Variants in LRRC4C observed in about 807,000 individuals in gnomAD.
LRRC4C encodes leucine-rich repeat-containing protein 4C.
A neutral mutation model predicts 33.6 loss-of-function variants in LRRC4C; 5 were observed. The ratio of observed to expected loss-of-function variants is 0.15; its 90% CI spans 0.08 to 0.31. The LOEUF is 0.31. Ranked by LOEUF, LRRC4C falls within the 10% of genes least tolerant of loss-of-function variation. LRRC4C has a pLI of 1.00. For missense variants in LRRC4C, 560 were observed against 796.7 expected (o/e 0.70, Z 3.58); for synonymous variants, 329 against 302.0 (o/e 1.09, Z -0.93).
At chr11:40,483,377 G>T (rs2138426614) in intron 3 of LRRC4C, among the ~76,000 whole-genome samples, 1 of 152,248 alleles carries the variant, frequency 6.6e-6, no homozygotes, top group African/African-American at 2.4e-5. Context: ...TCATGTTTGG[G>T]ATCATGGTGT....
intron 1 of LRRC4C, among the ~76,000 whole-genome samples, chr11:41,080,271 A>T (rs1939466705): frequency 6.6e-6 from 1 of 151,942 alleles, no homozygotes; most frequent in East Asian, 1.9e-4. Flanking sequence ...TAGTGTTTGC[A>T]CTAATTACAA....
intron 3 of LRRC4C, among the ~76,000 whole-genome samples, chr11:40,323,278 T>C (rs968463493): frequency 3.9e-5 from 6 of 152,266 alleles, no homozygotes; most frequent in African/African-American, 7.2e-5. Flanking sequence ...ATTTGGACTC[T>C]GCTGTTAGAA....
intron 5 of LRRC4C, among the ~76,000 whole-genome samples, chr11:40,184,776 T>A (rs1450513749): frequency 6.6e-6 from 1 of 152,290 alleles, no homozygotes; most frequent in East Asian, 1.9e-4. Context: ...AGGGAGGGAA[T>A]GCAATCTCAC....
At chr11:40,180,966 A>G (rs1860946398) in intron 5 of LRRC4C, among the ~76,000 whole-genome samples, 1 of 152,224 alleles carries the variant, frequency 6.6e-6, no homozygotes. Context: ...AACAGCATAG[A>G]AAGTCCAGTG....
At chr11:40,419,379 A>T (rs543121394) in intron 3 of LRRC4C, among the ~76,000 whole-genome samples, 12 of 152,322 alleles carry the variant, frequency 7.9e-5, no homozygotes, top group African/African-American at 2.9e-4. Context: ...TGAAATCTAA[A>T]TATAAAAAAT....
intron 4 of LRRC4C, among the ~76,000 whole-genome samples, chr11:40,298,267 G>A (rs1449334036): frequency 6.6e-6 from 1 of 151,934 alleles, no homozygotes; most frequent in Non-Finnish European, 1.5e-5. Flanking sequence ...TAAACCATTT[G>A]AAATCTTAAT....
chr11:41,116,617 A>C (rs1376107511), intron 1 of LRRC4C, among the ~76,000 whole-genome samples: 1 of 152,162 alleles, frequency 6.6e-6, no homozygotes, highest in Non-Finnish European at 1.5e-5. Context: ...GAGAAAGAGT[A>C]AAATGGGAAG....
intron 2 of LRRC4C, among the ~76,000 whole-genome samples, chr11:40,772,413 T>G (rs1435721820): frequency 1.3e-5 from 2 of 152,126 alleles, no homozygotes; most frequent in African/African-American, 4.8e-5. Context: ...GAGATTTGGG[T>G]GGTGACACAG....
At chr11:41,147,686 C>T (rs1043456749) in intron 1 of LRRC4C, among the ~76,000 whole-genome samples, 4 of 152,174 alleles carry the variant, frequency 2.6e-5, no homozygotes, top group Non-Finnish European at 5.9e-5. Context: ...ACCTAAACAT[C>T]ATGGCTTTGT....
intron 1 of LRRC4C, among the ~76,000 whole-genome samples, chr11:41,160,610 G>T (rs1373711850): frequency 6.6e-6 from 1 of 151,948 alleles, no homozygotes; most frequent in African/African-American, 2.4e-5. Flanking sequence ...TATATGAATT[G>T]GCATGCATGT....
intron 1 of LRRC4C, among the ~76,000 whole-genome samples, chr11:41,367,696 C>T (rs1017958545): frequency 4.6e-5 from 7 of 152,014 alleles, no homozygotes; most frequent in African/African-American, 1.4e-4. Flanking sequence ...TTTAGACACT[C>T]GGTATGGGCT....
At chr11:40,743,380 T>C (rs935953611) in intron 2 of LRRC4C, among the ~76,000 whole-genome samples, 2 of 152,048 alleles carry the variant, frequency 1.3e-5, no homozygotes, top group Non-Finnish European at 2.9e-5. Flanking sequence ...ACAAATGTAT[T>C]ATGGGACAGT....
At chr11:41,381,770 T>C (rs1953163615) in intron 1 of LRRC4C, among the ~76,000 whole-genome samples, 1 of 151,730 alleles carries the variant, frequency 6.6e-6, no homozygotes, top group African/African-American at 2.4e-5. Flanking sequence ...TATATACACA[T>C]ATATATGAAA....
chr11:40,702,139 G>A lies in LRRC4C; in HGVS notation c.-406-53861C>T, dbSNP rs970368387. On this transcript the variant is annotated intron_variant, in intron 2 of 6. Transcript: ENST00000528697. ...CAAAAGGGAGAATATTATGCATTTGGGAGTTTTGAAAGCTGTTGATGGTCA... is the reference window on the plus strand; with the variant it reads ...CAAAAGGGAGAATATTATGCATTTGAGAGTTTTGAAAGCTGTTGATGGTCA... 5.3e-5 allele frequency among the ~76,000 whole-genome samples: 8 copies of A among 151,874 alleles called. No homozygotes were observed. The East Asian group carries it at 1.5e-3, about 29-fold the overall frequency.
intron 5 of LRRC4C, among the ~76,000 whole-genome samples, chr11:40,143,578 G>T (rs945080880): frequency 6.6e-6 from 1 of 151,976 alleles, no homozygotes; most frequent in African/African-American, 2.4e-5. Flanking sequence ...ACCTACACCT[G>T]CACTCCATGA....
intron 1 of LRRC4C, among the ~76,000 whole-genome samples, chr11:41,454,133 A>T (rs1438046429): frequency 6.6e-6 from 1 of 152,144 alleles, no homozygotes; most frequent in Non-Finnish European, 1.5e-5. Flanking sequence ...ACTTTGCAGT[A>T]CCGAAATACC....
At chr11:41,298,277 G>A (rs1950195442) in intron 1 of LRRC4C, among the ~76,000 whole-genome samples, 1 of 152,120 alleles carries the variant, frequency 6.6e-6, no homozygotes, top group African/African-American at 2.4e-5. Flanking sequence ...GATAAAAGAA[G>A]GGAAGAAGGT....
chr11:40,282,175 C>A (rs1943522589), intron 4 of LRRC4C, among the ~76,000 whole-genome samples: 1 of 152,140 alleles, frequency 6.6e-6, no homozygotes, highest in South Asian at 2.1e-4. Flanking sequence ...ATGGTGAAAC[C>A]CTGTCTCTAA....
At chr11:40,298,988 T>G (rs1442125104) in intron 4 of LRRC4C, among the ~76,000 whole-genome samples, 1 of 152,088 alleles carries the variant, frequency 6.6e-6, no homozygotes, top group Non-Finnish European at 1.5e-5. Flanking sequence ...CAAGATGAGA[T>G]TTGGGTGGGG....
Sources: allele counts gnomAD v4.1 joint callset (sites outside exome capture counted in the v4.1 genomes callset), GRCh38; gene constraint gnomAD v4.1.1; transcripts MANE v1.5; gene names NCBI Gene and HGNC (gene_info 2026-07-23, HGNC 2026-07-21).